The following GRIN2D variants were observed in gnomAD, a reference collection of about 807,000 sequenced individuals.
GRIN2D encodes the protein glutamate receptor ionotropic, NMDA 2D.
In GRIN2D, 37 loss-of-function variants were observed where a neutral mutation model predicts 103.2. The ratio of observed to expected loss-of-function variants is 0.36; its 90% CI spans 0.28 to 0.47. The LOEUF is 0.47. Among genes scored for constraint, GRIN2D ranks in the 20% least tolerant of loss-of-function variants. The pLI is 1.00. For missense variants in GRIN2D, 1,557 were observed against 1,910.6 expected, an observed-to-expected ratio of 0.81 and a Z score of 3.45; for synonymous variants, 845 against 885.6, an observed-to-expected ratio of 0.95 and a Z score of 0.81.
In GRIN2D at chr19:48,444,059, C is replaced by T. The variant is rs1971349060; in HGVS notation, c.*122C>T. 1.6e-6 allele frequency: 1 copy of T among 610,786 alleles called. No homozygotes were observed. Among genetic ancestry groups the T allele is most frequent in the South Asian group, 3.3e-5 (1 of 30,212 alleles). 37.8% of individuals were successfully genotyped at this position (610,786 alleles called of 1,614,324 possible). A position where few individuals can be genotyped will look rare whatever the true frequency, so the allele number is the denominator to read the frequency against. ...AGCAGTGGAACTGGCCGGACCCCGC[C>T]TGGAGCAGCGTCCTGCGCCCCCTGG... On this transcript the variant is annotated 3_prime_UTR_variant, in exon 14 of 14. Coordinates refer to ENST00000263269, the MANE Select transcript of GRIN2D (RefSeq NM_000836.4). This position sits in a 1 kb window ranked among gnomAD's most constrained non-coding sequence, Gnocchi z 5.5.
chr19:48,419,926 G>T (rs1184481969), intron 10 of GRIN2D, 112 bp downstream of exon 10: 2 of 251,434 alleles, frequency 8.0e-6, no homozygotes, highest in Non-Finnish European at 1.6e-5. Context: ...TGAGAGGGGT[G>T]GGGGGAGGGC....
chr19:48,437,975 C>T (rs1014321469), intron 11 of GRIN2D, among the ~76,000 whole-genome samples: 7 of 150,536 alleles, frequency 4.7e-5, no homozygotes, highest in African/African-American at 1.2e-4. Context: ...GCTAATTCTC[C>T]GGAGCTTCAC....
chr19:48,408,764 G>A (rs1246371826), intron 4 of GRIN2D, among the ~76,000 whole-genome samples: 3 of 150,724 alleles, frequency 2.0e-5, no homozygotes, highest in African/African-American at 4.9e-5. Flanking sequence ...AGGTTGCAGT[G>A]AGCCGAGACC....
Position 48,444,069 on chromosome 19 carries a change from G to T in GRIN2D, c.*132G>T, listed in dbSNP as rs8111684. ...CTGGCCGGACCCCGCCTGGAGCAGC[G>T]TCCTGCGCCCCCTGGTTCTGGAGGA... On this transcript the variant is annotated 3_prime_UTR_variant, in exon 14 of 14. Transcript: ENST00000263269. This position sits in a 1 kb window ranked among gnomAD's most constrained non-coding sequence, Gnocchi z 5.5. The T allele has an allele frequency of 0.66, 349,144 of 526,846 alleles. 119,734 individuals carry two copies. The highest frequency in any genetic ancestry group is 0.73 in the Non-Finnish European group (237,634 of 324,808). The allele number at this position is 526,846 out of a possible 1,614,324, so 32.6% of individuals were successfully genotyped here.
At chr19:48,432,593 C>T (rs1362483822) in intron 11 of GRIN2D, among the ~76,000 whole-genome samples, 3 of 151,926 alleles carry the variant, frequency 2.0e-5, no homozygotes, top group Non-Finnish European at 4.4e-5. Flanking sequence ...ATCCTCTCGC[C>T]TCAGCCTCCC....
intron 11 of GRIN2D, among the ~76,000 whole-genome samples, chr19:48,429,268 C>T (rs1971127574): frequency 6.6e-6 from 1 of 152,172 alleles, no homozygotes; most frequent in South Asian, 2.1e-4. Context: ...CTCTGTCACC[C>T]AGGCTGGAGT....
At chr19:48,420,672 A>G (rs147309612) in intron 10 of GRIN2D, among the ~76,000 whole-genome samples, 3,327 of 151,366 alleles carry the variant, frequency 0.022, 118 homozygotes, top group African/African-American at 0.076. Flanking sequence ...ATAAAAATAC[A>G]AAAATTAGCC....
chr19:48,408,969 G>C (rs1274990101), intron 4 of GRIN2D, among the ~76,000 whole-genome samples: 2 of 152,156 alleles, frequency 1.3e-5, no homozygotes, highest in Non-Finnish European at 2.9e-5. Context: ...TGCTATGACA[G>C]AATATCATAG....
At chr19:48,432,980 G>T (rs1386988718) in intron 11 of GRIN2D, among the ~76,000 whole-genome samples, 1 of 149,042 alleles carries the variant, frequency 6.7e-6, no homozygotes, top group African/African-American at 2.5e-5. Flanking sequence ...CAGTAGAGGT[G>T]GGGTTTCACC....
At chr19:48,399,888 G>A (rs544945582) in intron 3 of GRIN2D, among the ~76,000 whole-genome samples, 1 of 138,454 alleles carries the variant, frequency 7.2e-6, no homozygotes, top group Non-Finnish European at 1.6e-5. Context: ...TGGGGGCGGG[G>A]CCAGCGAGGG....
chr19:48,398,916 C>CGGGACT, intron 3 of GRIN2D, 59 bp downstream of exon 3: 2 of 285,952 alleles, frequency 7.0e-6, no homozygotes, highest in Non-Finnish European at 8.7e-6. Flanking sequence ...CGCTGAGGGG[C>CGGGACT]GGGACTGGGA....
intron 11 of GRIN2D, among the ~76,000 whole-genome samples, chr19:48,430,230 C>T: frequency 6.6e-6 from 1 of 152,238 alleles, no homozygotes; most frequent in African/African-American, 2.4e-5. Flanking sequence ...GACAGGGTCT[C>T]ACTATGTTGC....
chr19:48,440,613 T>A (rs1263222129), intron 11 of GRIN2D, among the ~76,000 whole-genome samples: 1 of 151,974 alleles, frequency 6.6e-6, no homozygotes, highest in African/African-American at 2.4e-5. Flanking sequence ...AAAAAAAGTG[T>A]CCTTAGACTA....
chr19:48,396,978 C>G (rs760093585), intron 2 of GRIN2D, among the ~76,000 whole-genome samples: 1 of 152,146 alleles, frequency 6.6e-6, no homozygotes, highest in South Asian at 2.1e-4. Flanking sequence ...GACCCAGGAG[C>G]CTGGCTCCCA....
rs758240788 is a variant in GRIN2D, at chr19:48,421,757, G to GC, written c.2092-25dup. ...TGTTAGGGATGTCCCTGCGGAGGGT[G>GC]CCCTAATCACTCCCCATTCTGCCCC... On this transcript the variant is annotated intron_variant, in intron 10 of 13. Transcript: ENST00000263269. This position sits in a 1 kb window ranked among gnomAD's most constrained non-coding sequence, Gnocchi z 4.8. The GC allele has an allele frequency of 6.2e-7, 1 of 1,604,022 alleles. No homozygotes were observed. The highest frequency in any genetic ancestry group is 1.1e-5 in the South Asian group (1 of 90,740).
intron 2 of GRIN2D, among the ~76,000 whole-genome samples, chr19:48,395,404 C>T (rs188205748): frequency 1.3e-5 from 2 of 152,212 alleles, no homozygotes; most frequent in African/African-American, 4.8e-5. Flanking sequence ...CAGCACCCCT[C>T]GCCCCAAGCT....
At chr19:48,416,731 C>CTT (rs1970952982) in intron 8 of GRIN2D, among the ~76,000 whole-genome samples, 1 of 111,586 alleles carries the variant, frequency 9.0e-6, no homozygotes, top group African/African-American at 3.7e-5. Flanking sequence ...GCTTCTACTT[C>CTT]TCTCTCTCTC....
At chr19:48,438,287 CTTTTTTTTT>C (rs71181697) in intron 11 of GRIN2D, among the ~76,000 whole-genome samples, 25 of 57,754 alleles carry the variant, frequency 4.3e-4, no homozygotes, top group African/African-American at 1.5e-3. Flanking sequence ...ATCCAGCCGC[CTTTTTTTTT>C]TTTTTTTTTT....
chr19:48,402,115 GGAAAGAAAGAAAGAAAGAAAGAAAGAAA>G (rs201781099), intron 3 of GRIN2D, among the ~76,000 whole-genome samples: 1 of 88,024 alleles, frequency 1.1e-5, no homozygotes, highest in South Asian at 4.5e-4. Flanking sequence ...AGAAAGAGAA[GGAAAGAAAGAAAGAAAGAAAGAAAGAAA>G]GAAAGAAAGA....
Sources: gnomAD v4.1 joint callset for allele counts (sites outside exome capture counted in the v4.1 genomes callset) on GRCh38, gnomAD v4.1.1 for gene constraint, Gnocchi (gnomAD v3.1) non-coding constraint, MANE v1.5 for transcripts, NCBI Gene and HGNC (gene_info 2026-07-23, HGNC 2026-07-21) for gene names.